SYT16: variants seen among roughly 807,000 people sequenced by gnomAD.
The protein encoded by SYT16 is synaptotagmin 16.
Under a neutral mutation model 61.4 loss-of-function variants are expected in SYT16, and 42 were observed. That is an observed-to-expected ratio of 0.68 (90% CI 0.53 to 0.89). The LOEUF is 0.89. Among genes scored for constraint, SYT16 ranks in the 40% least tolerant of loss-of-function variants. The pLI is 0.00. For synonymous variants in SYT16, 314 were observed against 302.3 expected, an observed-to-expected ratio of 1.04 and a Z score of -0.40; for missense variants, 804 against 807.3, an observed-to-expected ratio of 1.00 and a Z score of 0.05.
intron 2 of SYT16, among the ~76,000 whole-genome samples, chr14:61,985,725 G>A (rs904947262): frequency 3.3e-5 from 5 of 152,120 alleles, no homozygotes; most frequent in African/African-American, 9.7e-5. Flanking sequence ...TTTTTTAGGA[G>A]GTTGACCTCC....
chr14:62,076,900 A>G (rs1420179862), intron 5 of SYT16, among the ~76,000 whole-genome samples: 4 of 152,086 alleles, frequency 2.6e-5, no homozygotes, highest in African/African-American at 4.8e-5. Flanking sequence ...TTAATAGAAG[A>G]CTCGGTATTG....
intron 1 of SYT16, among the ~76,000 whole-genome samples, chr14:61,836,897 A>G (rs1454449800): frequency 6.6e-6 from 1 of 152,096 alleles, no homozygotes; most frequent in Non-Finnish European, 1.5e-5. Flanking sequence ...ATTTTCTGTC[A>G]TGATTTCATG....
At chr14:61,828,844 T>G (rs1052240715) in intron 1 of SYT16, among the ~76,000 whole-genome samples, 1 of 152,214 alleles carries the variant, frequency 6.6e-6, no homozygotes, top group African/African-American at 2.4e-5. Flanking sequence ...TCAAATTCTT[T>G]TTCCTTATTC....
intron 3 of SYT16, among the ~76,000 whole-genome samples, chr14:62,040,544 T>C (rs1007980034): frequency 1.3e-5 from 2 of 152,170 alleles, no homozygotes; most frequent in African/African-American, 4.8e-5. Context: ...ATGAATTCTT[T>C]CTGTAAAGTG....
chr14:61,996,861 C>T (rs993943517), intron 3 of SYT16, among the ~76,000 whole-genome samples: 1 of 151,944 alleles, frequency 6.6e-6, no homozygotes, highest in Non-Finnish European at 1.5e-5. Context: ...GCAAAATGTT[C>T]TTTTTTTCTT....
rs984787428 is a variant in SYT16, at chr14:62,102,460, G to A, written c.*1753G>A. On this transcript the variant is annotated 3_prime_UTR_variant, in exon 8 of 8. Transcript: ENST00000683842. ...TATTAGGAATATGTAATAAAACCATGTTCCTCTGGGTTTTTACCCTACCTT... is the reference window on the plus strand; with the variant it reads ...TATTAGGAATATGTAATAAAACCATATTCCTCTGGGTTTTTACCCTACCTT... The A allele has an allele frequency of 6.6e-6, 1 of 152,148 alleles. No individual in the cohort carries two copies. The highest frequency in any genetic ancestry group is 6.6e-5 in the Admixed American group (1 of 15,260). The allele number at this position is 152,148 out of a possible 1,614,324, so 9.4% of individuals were successfully genotyped here.
intron 1 of SYT16, among the ~76,000 whole-genome samples, chr14:61,891,028 G>C (rs150551265): frequency 6.6e-6 from 1 of 152,124 alleles, no homozygotes; most frequent in African/African-American, 2.4e-5. Flanking sequence ...AGGAGGTGAC[G>C]TTTGTCTCCA....
intron 2 of SYT16, among the ~76,000 whole-genome samples, chr14:61,982,029 CT>C (rs1279172054): frequency 6.6e-6 from 1 of 152,124 alleles, no homozygotes; most frequent in African/African-American, 2.4e-5. Flanking sequence ...TTCCTTCATG[CT>C]TTTTCACTTT....
chr14:61,929,619 T>C (rs2049682150), intron 1 of SYT16, among the ~76,000 whole-genome samples: 1 of 152,226 alleles, frequency 6.6e-6, no homozygotes, highest in Non-Finnish European at 1.5e-5. Flanking sequence ...GTCTGAAATA[T>C]CTTAGATGTT....
rs2051488030 is a variant in SYT16, at chr14:61,970,186, T to C, written c.-270T>C. ...GCTGTTGGGGTCTTTATTGTTCTTC[T>C]GGCCGTCCTCTTCCTCTTCATCAAC... On this transcript the variant is annotated 5_prime_UTR_variant, in exon 2 of 8. Transcript: ENST00000683842. 6.6e-6 allele frequency: 1 copy of C among 152,246 alleles called. No individual in the cohort carries two copies. The highest frequency in any genetic ancestry group is 1.5e-5 in the Non-Finnish European group (1 of 68,054). The allele number at this position is 152,246 out of a possible 1,614,324, so 9.4% of individuals were successfully genotyped here.
chr14:62,047,056 T>G (rs1307633560), intron 3 of SYT16, among the ~76,000 whole-genome samples: 1 of 152,246 alleles, frequency 6.6e-6, no homozygotes, highest in Non-Finnish European at 1.5e-5. Flanking sequence ...GTATGGCCAT[T>G]TTCACAATAT....
rs1327674442 is a variant in SYT16 at position 62,090,317 on chromosome 14, C to A, written c.1624+5932C>A. ...TTAGCCACACATGATAATTACACCC[C>A]AAATGATAATACTTAACAGCAGCAG... is the stretch of plus-strand genomic sequence containing the variant. On this transcript the variant is annotated intron_variant, in intron 7 of 7. Coordinates refer to ENST00000683842, the MANE Select transcript of SYT16 (RefSeq NM_001367656.1). 4.6e-5 allele frequency among the ~76,000 whole-genome samples: 7 copies of A among 152,196 alleles called. No homozygotes were observed. The East Asian group carries it at 1.3e-3, about 29-fold the overall frequency.
chr14:61,989,463 T>C (rs2052457408), intron 2 of SYT16, among the ~76,000 whole-genome samples: 1 of 152,162 alleles, frequency 6.6e-6, no homozygotes. Flanking sequence ...CTTGGGAGGC[T>C]GAGGCAGGAG....
chr14:62,073,691 G>A (rs1235507791), intron 4 of SYT16, among the ~76,000 whole-genome samples: 1 of 152,140 alleles, frequency 6.6e-6, no homozygotes, highest in African/African-American at 2.4e-5. Flanking sequence ...AGATGTTTTT[G>A]TATGGTCTGG....
chr14:61,952,049 A>G (rs191835861), intron 1 of SYT16, among the ~76,000 whole-genome samples: 2 of 152,000 alleles, frequency 1.3e-5, no homozygotes, highest in African/African-American at 4.8e-5. Context: ...CAGCCTCACA[A>G]AGTGTTGGGA....
rs1334008222 is a variant in SYT16, at chr14:62,095,519, CA to C, written c.1625-4869del. Among the ~76,000 whole-genome samples the C allele has an allele frequency of 2.0e-5, 3 of 151,078 alleles. No individual in the cohort carries two copies. The East Asian group carries it at 5.8e-4, about 29-fold the overall frequency. Reference sequence around the variant, plus strand: ...AATAGGAACAAAATATCTACGATACCAAAAAATAATAAAAGATGAATATGAA... The same window carrying C: ...AATAGGAACAAAATATCTACGATACCAAAAATAATAAAAGATGAATATGAA... On this transcript the variant is annotated intron_variant, in intron 7 of 7. Coordinates refer to ENST00000683842, the MANE Select transcript of SYT16 (RefSeq NM_001367656.1).
intron 7 of SYT16, among the ~76,000 whole-genome samples, chr14:62,089,214 G>T (rs1444038209): frequency 6.6e-6 from 1 of 151,872 alleles, no homozygotes; most frequent in Non-Finnish European, 1.5e-5. Context: ...AGCTACTTAG[G>T]AGGCTGAGGC....
chr14:61,949,418 C>T (rs553749121), intron 1 of SYT16, among the ~76,000 whole-genome samples: 9 of 152,182 alleles, frequency 5.9e-5, no homozygotes, highest in Non-Finnish European at 7.4e-5. Context: ...TCTGTGTGAA[C>T]GTTAAATCTC....
At chr14:61,992,315 G>T (rs2052583923) in intron 2 of SYT16, among the ~76,000 whole-genome samples, 1 of 152,152 alleles carries the variant, frequency 6.6e-6, no homozygotes, top group East Asian at 1.9e-4. Context: ...TAGTGTGTCA[G>T]TGAGACTGGC....
Sources: allele counts gnomAD v4.1 joint callset (sites outside exome capture counted in the v4.1 genomes callset), GRCh38; gene constraint gnomAD v4.1.1; transcripts MANE v1.5; gene names NCBI Gene and HGNC (gene_info 2026-07-23, HGNC 2026-07-21).